Variants in CACNA2D2 observed in about 807,000 individuals in gnomAD.
CACNA2D2 encodes calcium voltage-gated channel auxiliary subunit alpha2delta 2.
CACNA2D2 carries 48 observed loss-of-function variants against 166.4 expected under a neutral mutation model. The observed-to-expected ratio is 0.29, with a 90% CI of 0.23 to 0.37. The LOEUF (loss-of-function observed/expected upper bound fraction) is 0.37, where lower values mean the gene tolerates loss of function less well. CACNA2D2 is among the 10% of genes least tolerant of loss of function. The probability of loss-of-function intolerance (pLI) is 1.00; values close to 1 mark genes in which losing one functional copy is unlikely to be tolerated. For missense variants in CACNA2D2, 1,122 were observed against 1,433.0 expected (o/e 0.78, Z 3.50); for synonymous variants, 561 against 573.7 (o/e 0.98, Z 0.32).
intron 2 of CACNA2D2, among the ~76,000 whole-genome samples, chr3:50,455,047 C>G (rs945065451): frequency 3.3e-5 from 5 of 152,250 alleles, no homozygotes; most frequent in Non-Finnish European, 7.3e-5. Context: ...CTGCTGCTCA[C>G]CGCCACTGCC....
At chr3:50,478,415 G>A (rs1697895209) in intron 1 of CACNA2D2, among the ~76,000 whole-genome samples, 1 of 152,212 alleles carries the variant, frequency 6.6e-6, no homozygotes, top group South Asian at 2.1e-4. Context: ...AATGGGCAGA[G>A]TGAGGATCTG....
At chr3:50,466,535 C>CCCCTT (rs925498712) in intron 2 of CACNA2D2, among the ~76,000 whole-genome samples, 3 of 152,234 alleles carry the variant, frequency 2.0e-5, no homozygotes, top group African/African-American at 7.2e-5. Flanking sequence ...TCACATGTTA[C>CCCCTT]TTACAGCACT....
chr3:50,405,487 AACC>A (rs1706663415), intron 3 of CACNA2D2, among the ~76,000 whole-genome samples: 1 of 152,150 alleles, frequency 6.6e-6, no homozygotes, highest in African/African-American at 2.4e-5. Flanking sequence ...GGGTTTGGGC[AACC>A]ACCTGGGTGT....
At chr3:50,469,871 C>T (rs1424817141) in intron 2 of CACNA2D2, among the ~76,000 whole-genome samples, 3 of 152,196 alleles carry the variant, frequency 2.0e-5, no homozygotes, top group Non-Finnish European at 4.4e-5. Context: ...TTTCCTACCG[C>T]TTCTCTCCCA....
intron 3 of CACNA2D2, among the ~76,000 whole-genome samples, chr3:50,420,561 A>G (rs1707503008): frequency 6.6e-6 from 1 of 152,214 alleles, no homozygotes; most frequent in Non-Finnish European, 1.5e-5. Flanking sequence ...TACCCTGTGC[A>G]TAGTCCACAG....
intron 1 of CACNA2D2, among the ~76,000 whole-genome samples, chr3:50,476,871 T>A (rs1268139278): frequency 6.6e-6 from 1 of 151,798 alleles, no homozygotes; most frequent in Non-Finnish European, 1.5e-5. Context: ...CTGAGCCACA[T>A]CCTGAGCAGG....
At position 50,367,142 on chromosome 3, in the gene CACNA2D2, T is replaced by G; in HGVS notation, c.2402-33A>C. 1 of 1,525,086 alleles carries G rather than the reference T, an allele frequency of 6.6e-7. No homozygotes were observed. The highest frequency in any genetic ancestry group is 1.7e-4 in the Middle Eastern group (1 of 5,726). The allele number at this position is 1,525,086 out of a possible 1,614,324, so 94.5% of individuals were successfully genotyped here. Reference sequence around the variant, plus strand: ...TTGGGTGGGGAAGTCAGGAGTGGGGTCTGGCGGCCACACTGACCACTCTAT... The same window carrying G: ...TTGGGTGGGGAAGTCAGGAGTGGGGGCTGGCGGCCACACTGACCACTCTAT... On this transcript the variant is annotated intron_variant, in intron 27 of 37. Transcript: ENST00000424201. This position sits in a 1 kb window ranked among gnomAD's most constrained non-coding sequence, Gnocchi z 6.5.
chr3:50,382,486 C>T (rs1395834384), intron 6 of CACNA2D2, among the ~76,000 whole-genome samples: 1 of 152,220 alleles, frequency 6.6e-6, no homozygotes, highest in East Asian at 1.9e-4. Context: ...CTGCTGCGTC[C>T]GCTGCCTGAT....
At chr3:50,418,427 A>G (rs1006996077) in intron 3 of CACNA2D2, among the ~76,000 whole-genome samples, 13 of 152,114 alleles carry the variant, frequency 8.5e-5, no homozygotes, top group African/African-American at 3.1e-4. Flanking sequence ...TGCTTGTGCT[A>G]TGCCCCTACG....
chr3:50,439,370 G>C (rs1708486533), intron 2 of CACNA2D2, among the ~76,000 whole-genome samples: 2 of 152,250 alleles, frequency 1.3e-5, no homozygotes, highest in African/African-American at 4.8e-5. Context: ...CAGCGAAGGT[G>C]AACAGCCCTA....
chr3:50,391,362 C>A (rs1254027770), intron 4 of CACNA2D2, among the ~76,000 whole-genome samples: 1 of 152,268 alleles, frequency 6.6e-6, no homozygotes, highest in Non-Finnish European at 1.5e-5. Flanking sequence ...TGGCCCAGCT[C>A]CTCCCTGGTG....
intron 3 of CACNA2D2, among the ~76,000 whole-genome samples, chr3:50,410,028 C>T (rs1706921659): frequency 6.6e-6 from 1 of 152,164 alleles, no homozygotes; most frequent in African/African-American, 2.4e-5. Context: ...TGTATACACT[C>T]CCCAAGGCCA....
intron 2 of CACNA2D2, among the ~76,000 whole-genome samples, chr3:50,462,205 A>G (rs966519024): frequency 6.6e-6 from 1 of 152,020 alleles, no homozygotes; most frequent in African/African-American, 2.4e-5. Context: ...CCTGGCCAAC[A>G]TGGCAAAATC....
Position 50,422,149 on chromosome 3 carries a change from T to A in CACNA2D2, c.405+12164A>T, listed in dbSNP as rs112893841. ...ACCTTATCCTGAGTCAACCCCGACA[T>A]CCCTGCAGCCCTAGCTCTGGCTTCA... On this transcript the variant is annotated intron_variant, in intron 3 of 37. Coordinates refer to ENST00000424201, the MANE Select transcript of CACNA2D2 (RefSeq NM_006030.4). Among the ~76,000 whole-genome samples, 1,053 of 152,058 alleles carry A rather than the reference T, an allele frequency of 6.9e-3. 8 individuals are homozygous for A. Among genetic ancestry groups the A allele is most frequent in the African/African-American group, 0.024 (985 of 41,470 alleles).
intron 3 of CACNA2D2, among the ~76,000 whole-genome samples, chr3:50,412,960 A>T (rs1707092245): frequency 6.6e-6 from 1 of 152,172 alleles, no homozygotes; most frequent in African/African-American, 2.4e-5. Flanking sequence ...GCCAGGGCCC[A>T]GGACTTGGGA....
At chr3:50,442,716 G>C (rs1342241636) in intron 2 of CACNA2D2, among the ~76,000 whole-genome samples, 1 of 152,106 alleles carries the variant, frequency 6.6e-6, no homozygotes, top group African/African-American at 2.4e-5. Flanking sequence ...ATTGGTTCTG[G>C]GTGTGCTGAG....
chr3:50,423,732 G>A (rs1476183051), intron 3 of CACNA2D2, among the ~76,000 whole-genome samples: 1 of 152,256 alleles, frequency 6.6e-6, no homozygotes, highest in Non-Finnish European at 1.5e-5. Flanking sequence ...ACAGGAGGCT[G>A]CAACAAAGGG....
intron 3 of CACNA2D2, among the ~76,000 whole-genome samples, chr3:50,421,200 G>A (rs1340556389): frequency 6.6e-6 from 1 of 152,218 alleles, no homozygotes; most frequent in Non-Finnish European, 1.5e-5. Context: ...CCTTTCCTGG[G>A]AAAAGAAAAA....
intron 17 of CACNA2D2, 93 bp downstream of exon 17, chr3:50,377,374 T>G: frequency 9.8e-7 from 1 of 1,023,480 alleles, no homozygotes; most frequent in Admixed American, 2.0e-5. Flanking sequence ...GAGGTCTCCA[T>G]GGAGGCGCTG....
Sources: gnomAD v4.1 joint callset for allele counts (sites outside exome capture counted in the v4.1 genomes callset) on GRCh38, gnomAD v4.1.1 for gene constraint, Gnocchi (gnomAD v3.1) non-coding constraint, MANE v1.5 for transcripts, NCBI Gene and HGNC (gene_info 2026-07-23, HGNC 2026-07-21) for gene names.